Variants in DLG2 observed in about 807,000 individuals in gnomAD.
DLG2 encodes the protein disks large homolog 2.
A neutral mutation model predicts 132.5 loss-of-function variants in DLG2; 45 were observed. The observed-to-expected ratio is 0.34, with a 90% CI of 0.27 to 0.44. The LOEUF (loss-of-function observed/expected upper bound fraction) is 0.44, where lower values mean the gene tolerates loss of function less well. Among genes scored for constraint, DLG2 ranks in the 20% least tolerant of loss-of-function variants. The pLI is 1.00. For synonymous variants in DLG2, 424 were observed against 419.6 expected, an observed-to-expected ratio of 1.01 and a Z score of -0.13; for missense variants, 1,045 against 1,196.9, an observed-to-expected ratio of 0.87 and a Z score of 1.87.
chr11:84,906,157 GAAC>G (rs1170264739), intron 6 of DLG2, among the ~76,000 whole-genome samples: 1 of 149,186 alleles, frequency 6.7e-6, no homozygotes, highest in African/African-American at 2.5e-5. Flanking sequence ...TTATTTTCTT[GAAC>G]AACAGAGTTA....
intron 3 of DLG2, among the ~76,000 whole-genome samples, chr11:85,519,075 T>A (rs2094226128): frequency 6.6e-6 from 1 of 151,738 alleles, no homozygotes; most frequent in African/African-American, 2.4e-5. Flanking sequence ...GGCAGGGCCC[T>A]CATGGAGAAC....
chr11:84,914,931 T>C (rs1274792701), intron 6 of DLG2, among the ~76,000 whole-genome samples: 1 of 152,148 alleles, frequency 6.6e-6, no homozygotes, highest in African/African-American at 2.4e-5. Flanking sequence ...TTATTAAGAA[T>C]ATTGAGGTAT....
intron 6 of DLG2, among the ~76,000 whole-genome samples, chr11:84,623,743 C>T (rs1291996042): frequency 1.3e-5 from 2 of 152,052 alleles, no homozygotes; most frequent in African/African-American, 2.4e-5. Context: ...TGTTAATGTA[C>T]CCAATTCAAA....
At chr11:84,856,257 C>A (rs2082774115) in intron 6 of DLG2, among the ~76,000 whole-genome samples, 1 of 152,086 alleles carries the variant, frequency 6.6e-6, no homozygotes, top group African/African-American at 2.4e-5. Flanking sequence ...AAAGTACGTT[C>A]ATCAATGATA....
At chr11:85,024,809 G>C (rs1445007967) in intron 6 of DLG2, among the ~76,000 whole-genome samples, 1 of 152,092 alleles carries the variant, frequency 6.6e-6, no homozygotes, top group Non-Finnish European at 1.5e-5. Flanking sequence ...CATATTTTCA[G>C]GTCTCTCAGT....
At chr11:83,698,646 A>G (rs1231304021) in intron 18 of DLG2, among the ~76,000 whole-genome samples, 1 of 152,230 alleles carries the variant, frequency 6.6e-6, no homozygotes, top group Non-Finnish European at 1.5e-5. Context: ...CAGGTATAAT[A>G]ATTGTACTAT....
chr11:83,835,116 C>T (rs1356325390), intron 16 of DLG2, among the ~76,000 whole-genome samples: 1 of 152,150 alleles, frequency 6.6e-6, no homozygotes, highest in East Asian at 1.9e-4. Context: ...TGTAACAATG[C>T]ATTAAGTCAG....
At chr11:83,708,492 C>A (rs1470578500) in intron 18 of DLG2, among the ~76,000 whole-genome samples, 1 of 152,136 alleles carries the variant, frequency 6.6e-6, no homozygotes. Context: ...AGGTGTGAAG[C>A]CATAAAACAA....
intron 3 of DLG2, among the ~76,000 whole-genome samples, chr11:85,312,400 TA>T (rs2080370696): frequency 6.6e-6 from 1 of 150,700 alleles, no homozygotes; most frequent in Non-Finnish European, 1.5e-5. Flanking sequence ...AGTATATAAT[TA>T]TAATTTTGTA....
chr11:83,893,218 G>A (rs1358543775), intron 15 of DLG2, among the ~76,000 whole-genome samples: 1 of 152,218 alleles, frequency 6.6e-6, no homozygotes, highest in African/African-American at 2.4e-5. Context: ...CTGTCCTGCA[G>A]TTACTTCTCA....
intron 7 of DLG2, among the ~76,000 whole-genome samples, chr11:84,509,884 A>C (rs2099252309): frequency 6.6e-6 from 1 of 152,030 alleles, no homozygotes; most frequent in South Asian, 2.1e-4. Context: ...GAGATAATTG[A>C]GAAAGGGAAA....
At chr11:83,853,146 C>T (rs190215817) in intron 16 of DLG2, among the ~76,000 whole-genome samples, 1 of 152,208 alleles carries the variant, frequency 6.6e-6, no homozygotes, top group East Asian at 1.9e-4. Flanking sequence ...CATAAAATCC[C>T]CTTGATTTTC....
chr11:85,452,526 T>C, intron 3 of DLG2: 1 of 200,496 alleles, frequency 5.0e-6, no homozygotes, highest in Admixed American at 5.0e-5. Context: ...TACTATAGCC[T>C]CCATCACTGT....
intron 7 of DLG2, among the ~76,000 whole-genome samples, chr11:84,467,027 A>G (rs1049096455): frequency 1.3e-5 from 2 of 151,154 alleles, no homozygotes; most frequent in Admixed American, 6.6e-5. Flanking sequence ...TTTGCTCACT[A>G]AAAGGCCTAG....
chr11:85,588,677 G>T (rs189185924), intron 3 of DLG2, among the ~76,000 whole-genome samples: 1 of 151,684 alleles, frequency 6.6e-6, no homozygotes, highest in African/African-American at 2.4e-5. Context: ...TCTTTATCTG[G>T]CAATTCAGAG....
chr11:84,726,223 G>A (rs994285335), intron 6 of DLG2, among the ~76,000 whole-genome samples: 4 of 151,954 alleles, frequency 2.6e-5, no homozygotes, highest in East Asian at 1.9e-4. Context: ...CCATCATCCC[G>A]TCTCCTACGT....
At chr11:83,546,376 T>G (rs1196507950) in intron 19 of DLG2, among the ~76,000 whole-genome samples, 1 of 152,114 alleles carries the variant, frequency 6.6e-6, no homozygotes, top group African/African-American at 2.4e-5. Flanking sequence ...ACTGTATAAT[T>G]TGGGCATGTT....
At chr11:83,682,176 A>T (rs544178239) in intron 18 of DLG2, 1 of 985,282 alleles carries the variant, frequency 1.0e-6, no homozygotes, top group African/African-American at 1.7e-5. Context: ...AAATTATTGG[A>T]ACAAAGCAGG....
intron 6 of DLG2, among the ~76,000 whole-genome samples, chr11:85,027,509 C>T (rs2154143088): frequency 1.3e-5 from 2 of 152,254 alleles, no homozygotes; most frequent in South Asian, 2.1e-4. Flanking sequence ...GCGCTTGGCT[C>T]ACACTACTGG....
Sources: gnomAD v4.1 joint callset for allele counts (sites outside exome capture counted in the v4.1 genomes callset) on GRCh38, gnomAD v4.1.1 for gene constraint, MANE v1.5 for transcripts, NCBI Gene and HGNC (gene_info 2026-07-23, HGNC 2026-07-21) for gene names.